SYNE1: variants seen among roughly 807,000 people sequenced by gnomAD.
The protein encoded by SYNE1 is nesprin-1.
In SYNE1, 616 loss-of-function variants were observed where a neutral mutation model predicts 1,111.0. The ratio of observed to expected loss-of-function variants is 0.55; its 90% CI spans 0.52 to 0.59. The LOEUF (loss-of-function observed/expected upper bound fraction) is 0.59. Among genes scored for constraint, SYNE1 ranks in the 20% least tolerant of loss-of-function variants. The pLI, the probability that SYNE1 is intolerant of heterozygous loss-of-function variation, is 0.00. For missense variants in SYNE1, 10,006 were observed against 10,417.0 expected, an observed-to-expected ratio of 0.96 and a Z score of 1.72; for synonymous variants, 3,855 against 3,825.8, an observed-to-expected ratio of 1.01 and a Z score of -0.28.
chr6:152,239,747 T>C (rs1254080416), intron 107 of SYNE1, 41 bp from the exon 108 acceptor site: 5 of 1,611,682 alleles, frequency 3.1e-6, no homozygotes, highest in Non-Finnish European at 4.2e-6. Context: ...AACTCATTCA[T>C]ATATTATGTT....
At chr6:152,589,175 G>A (rs576968681) in intron 3 of SYNE1, among the ~76,000 whole-genome samples, 195 of 152,110 alleles carry the variant, frequency 1.3e-3, no homozygotes, top group African/African-American at 4.6e-3. Context: ...CCAAAGTGCT[G>A]GGATTACAGG....
chr6:152,495,603 G>A (rs1050132450), intron 11 of SYNE1, among the ~76,000 whole-genome samples: 14 of 151,498 alleles, frequency 9.2e-5, no homozygotes, highest in Admixed American at 2.6e-4. Flanking sequence ...GACTCATTCC[G>A]ATTACCTGCT....
intron 87 of SYNE1, among the ~76,000 whole-genome samples, chr6:152,311,863 C>T (rs2095560246): frequency 6.6e-6 from 1 of 151,988 alleles, no homozygotes; most frequent in African/African-American, 2.4e-5. Context: ...GCAAGCTCCG[C>T]CTCCCGGGTT....
Position 152,300,772 on chromosome 6 carries a change from C to T in SYNE1, c.17551G>A (p.Gly5851Ser). Reference protein sequence around the residue: ...AHPSVVMMTAGRCHTLLSPVT... With the variant: ...AHPSVVMMTASRCHTLLSPVT... ...GGTGACAGCAAAGTGTGACAGCGACCTGCAGTCATCTGCCACGTAAAATGT... is the reference window on the plus strand; with the variant it reads ...GGTGACAGCAAAGTGTGACAGCGACTTGCAGTCATCTGCCACGTAAAATGT... Residue 5851 changes from glycine (G) to serine (S), a missense_variant, in exon 93 of 146, where the codon GGT becomes AGT. Transcript: ENST00000367255. 6.2e-7 allele frequency: 1 copy of T among 1,614,200 alleles called. No individual in the cohort carries two copies. Among genetic ancestry groups the T allele is most frequent in the Non-Finnish European group, 8.5e-7 (1 of 1,180,036 alleles).
At chr6:152,542,617 C>T (rs1011124387) in intron 3 of SYNE1, among the ~76,000 whole-genome samples, 1 of 152,070 alleles carries the variant, frequency 6.6e-6, no homozygotes, top group African/African-American at 2.4e-5. Flanking sequence ...CCAAGGTCAT[C>T]CAGCAGCACA....
intron 28 of SYNE1, among the ~76,000 whole-genome samples, chr6:152,448,179 T>C (rs1592909472): frequency 6.6e-6 from 1 of 152,214 alleles, no homozygotes; most frequent in East Asian, 1.9e-4. Flanking sequence ...GAAGTATAAA[T>C]GGGAGCACAG....
intron 36 of SYNE1, among the ~76,000 whole-genome samples, chr6:152,429,326 T>C (rs1330610469): frequency 6.6e-6 from 1 of 152,162 alleles, no homozygotes; most frequent in Admixed American, 6.5e-5. Flanking sequence ...CCTCCATTAT[T>C]AACTTAGTTG....
At chr6:152,323,400 T>C (rs1424413719) in intron 82 of SYNE1, 78 bp downstream of exon 82, 1 of 1,584,934 alleles carries the variant, frequency 6.3e-7, no homozygotes, top group South Asian at 1.1e-5. Flanking sequence ...GATCACACAT[T>C]TGCACTCCAG....
chr6:152,566,194 C>T (rs1278908686), intron 3 of SYNE1, among the ~76,000 whole-genome samples: 1 of 151,936 alleles, frequency 6.6e-6, no homozygotes, highest in Non-Finnish European at 1.5e-5. Context: ...TGTGAAAAAC[C>T]AAGGTTAAGC....
chr6:152,586,852 G>GTAA (rs1385579462), intron 3 of SYNE1, among the ~76,000 whole-genome samples: 1 of 151,984 alleles, frequency 6.6e-6, no homozygotes, highest in Non-Finnish European at 1.5e-5. Context: ...CCCCCATTTG[G>GTAA]TAACACATTA....
chr6:152,292,457 A>G (rs1282617106), intron 95 of SYNE1, among the ~76,000 whole-genome samples: 1 of 152,248 alleles, frequency 6.6e-6, no homozygotes, highest in Non-Finnish European at 1.5e-5. Flanking sequence ...CTCTATCTTC[A>G]GAAGTCACAA....
chr6:152,167,048 T>C (rs551502442), intron 130 of SYNE1, among the ~76,000 whole-genome samples: 2 of 152,340 alleles, frequency 1.3e-5, no homozygotes, highest in South Asian at 4.1e-4. Flanking sequence ...AGGATTATCA[T>C]TCAAATTAGA....
chr6:152,497,465 AG>A (rs1279758154), intron 11 of SYNE1, among the ~76,000 whole-genome samples: 2 of 152,176 alleles, frequency 1.3e-5, no homozygotes, highest in Non-Finnish European at 2.9e-5. Flanking sequence ...TGTGTACCCA[AG>A]GTACCAGAGG....
chr6:152,136,781 A>C lies in SYNE1; in HGVS notation c.25496T>G (p.Ile8499Ser). Residue 8499 changes from isoleucine (I) to serine (S), a missense_variant, in exon 141 of 146, where the codon ATC becomes AGC. Ile to Ser is a moderately radical substitution (Grantham distance 142). Around this residue, in one of 7 missense-constraint regions of SYNE1, gnomAD observed 761 missense variants for 795.5 expected, o/e 0.96. Coordinates refer to ENST00000367255, the MANE Select transcript of SYNE1 (RefSeq NM_182961.4). ...AGGGCTGCAGAGATTGATGGAGAGG[A>C]TGATGGCTTTGCGGTGGTCCACAGC... ...QKAVDHRKAI[I>S]LSINLCSPEF... 6.2e-7 allele frequency: 1 copy of C among 1,614,242 alleles called. No homozygotes were observed. The highest frequency in any genetic ancestry group is 8.5e-7 in the Non-Finnish European group (1 of 1,180,046).
intron 3 of SYNE1, among the ~76,000 whole-genome samples, chr6:152,604,944 CAAAGAAAGAAAGAAAGAAAGAAAGAAAG>C (rs1185668483): frequency 6.4e-4 from 42 of 65,862 alleles, no homozygotes; most frequent in Non-Finnish European, 1.1e-3. Context: ...CCCTATCTCA[CAAAGAAAGAAAGAAAGAAAGAAAGAAAG>C]AAAGAAAGAA....
rs11358769 is a variant in SYNE1, at chr6:152,394,788, C to CT, written c.7712+727dup. Among the ~76,000 whole-genome samples the CT allele has an allele frequency of 1.9e-3, 236 of 125,682 alleles. 1 individual carries two copies. The highest frequency in any genetic ancestry group is 2.3e-3 in the African/African-American group (77 of 33,374). The allele number at this position is 125,682 out of a possible 152,430, so 82.5% of individuals were successfully genotyped here. A position where few individuals can be genotyped will look rare whatever the true frequency, so the allele number is the denominator to read the frequency against. ...CAGTACTCTTTTTTTTTTCTTTTTCCTTTTTTTTTTTTTTTGAGATGGAGT... is the reference window on the plus strand; with the variant it reads ...CAGTACTCTTTTTTTTTTCTTTTTCCTTTTTTTTTTTTTTTTGAGATGGAGT... On this transcript the variant is annotated intron_variant, in intron 51 of 145. Transcript: ENST00000367255.
At chr6:152,517,200 C>T (rs1241585777) in intron 6 of SYNE1, among the ~76,000 whole-genome samples, 1 of 152,126 alleles carries the variant, frequency 6.6e-6, no homozygotes, top group Non-Finnish European at 1.5e-5. Context: ...TTCTAGAGTT[C>T]CTGTCTTATA....
chr6:152,363,745 A>G, intron 63 of SYNE1: 1 of 455,126 alleles, frequency 2.2e-6, no homozygotes, highest in Non-Finnish European at 4.4e-6. Flanking sequence ...TCTCAGTTTG[A>G]GGGCAATATA....
At chr6:152,201,694 G>T in intron 127 of SYNE1, 130 bp downstream of exon 127, 1 of 1,378,948 alleles carries the variant, frequency 7.3e-7, no homozygotes, top group Non-Finnish European at 1.0e-6. Context: ...TGAGTTGCCT[G>T]TCCTTATGTC....
Sources: gnomAD v4.1 joint callset for allele counts (sites outside exome capture counted in the v4.1 genomes callset) on GRCh38, gnomAD v4.1.1 for gene constraint, gnomAD v4.1.1 regional missense constraint, MANE v1.5 for transcripts, NCBI Gene and HGNC (gene_info 2026-07-23, HGNC 2026-07-21) for gene names.